Variants in UNC45A observed in about 807,000 individuals in gnomAD.
UNC45A encodes protein unc-45 homolog A.
UNC45A carries 78 observed loss-of-function variants against 103.2 expected under a neutral mutation model. That is an observed-to-expected ratio of 0.76 (90% CI 0.63 to 0.91). The LOEUF (loss-of-function observed/expected upper bound fraction) is 0.91. UNC45A is among the 40% of genes least tolerant of loss of function. UNC45A has a pLI of 0.00. For missense variants in UNC45A, 1,193 were observed against 1,224.8 expected, an observed-to-expected ratio of 0.97 and a Z score of 0.39; for synonymous variants, 495 against 504.6, an observed-to-expected ratio of 0.98 and a Z score of 0.25.
chr15:90,939,972 CT>C, intron 5 of UNC45A, 149 bp downstream of exon 5: 1 of 739,808 alleles, frequency 1.4e-6, no homozygotes, highest in Non-Finnish European at 2.2e-6. Flanking sequence ...GGGTCTGGGG[CT>C]TTAGCGTGAA....
intron 8 of UNC45A, 78 bp from the exon 9 acceptor site, chr15:90,944,814 A>G: frequency 6.6e-7 from 1 of 1,511,810 alleles, no homozygotes; most frequent in East Asian, 2.3e-5. Context: ...TTTTCTCCAC[A>G]TCTCCTAGGA....
At chr15:90,943,402 C>T (rs966515000) in intron 8 of UNC45A, among the ~76,000 whole-genome samples, 9 of 140,180 alleles carry the variant, frequency 6.4e-5, no homozygotes, top group African/African-American at 2.5e-4. Flanking sequence ...GCACTACAGA[C>T]TGGGCAACAG....
At chr15:90,947,378 G>T in intron 10 of UNC45A, 2 of 257,788 alleles carry the variant, frequency 7.8e-6, no homozygotes, top group South Asian at 5.6e-5. Flanking sequence ...TGTGGAAGCT[G>T]GTCTTCCTCC....
intron 9 of UNC45A, among the ~76,000 whole-genome samples, 179 bp from the exon 10 acceptor site, chr15:90,946,435 G>A (rs1195527902): frequency 2.0e-5 from 3 of 152,196 alleles, no homozygotes; most frequent in Admixed American, 2.0e-4. Context: ...TTGAGTGAAA[G>A]TCGATAAAGA....
In UNC45A at chr15:90,950,175, G is replaced by A; in HGVS notation, c.2095G>A (p.Glu699Lys). The part of the protein sequence containing the change: ...GGRALIPLAL[E>K]GTDVGQTKAA... Reference sequence around the variant, plus strand: ...ACAGGCGCTGATCCCGCTGGCCCTGGAAGGCACGGACGTGGGGCAGACAAA... The same window carrying A: ...ACAGGCGCTGATCCCGCTGGCCCTGAAAGGCACGGACGTGGGGCAGACAAA... Residue 699 changes from glutamate to lysine, a missense_variant, in exon 16 of 20, where the codon GAA becomes AAA. By Grantham distance (56) the Glu-to-Lys change is moderately conservative. Transcript: ENST00000418476. The A allele has an allele frequency of 3.2e-6, 5 of 1,551,634 alleles. No homozygotes were observed. Among genetic ancestry groups the A allele is most frequent in the Non-Finnish European group, 4.4e-6 (5 of 1,146,996 alleles).
At position 90,935,645 on chromosome 15, in the gene UNC45A, C is replaced by T. The variant is rs1302859910; in HGVS notation, c.153C>T (p.Asp51=). ...LAAYTQALGL[D]ATPQDQAVLH... ...CCTACACTCAGGCCCTGGGTCTGGA[C>T]GCGACGCCCCAGGACCAGGCCGTTC... The change falls in exon 2 of 20, where the codon GAC becomes GAT. Residue 51 remains aspartate, a synonymous_variant. Transcript: ENST00000418476. The T allele has an allele frequency of 3.1e-6, 5 of 1,610,956 alleles. No individual in the cohort carries two copies. The highest frequency in any genetic ancestry group is 2.2e-5 in the South Asian group (2 of 90,650).
At chr15:90,935,144 C>A, upstream of UNC45A, 1 of 635,488 alleles carries the variant, frequency 1.6e-6, no homozygotes, top group South Asian at 1.8e-5. Flanking sequence ...CTTGCCTGCA[C>A]CTGCGATCCA....
rs373504946 is a variant in UNC45A, at chr15:90,940,449, C to A, written c.663C>A (p.Gly221=). The change falls in exon 6 of 20, where the codon GGC becomes GGA. Residue 221 remains glycine, a synonymous_variant. Coordinates refer to ENST00000418476, the MANE Select transcript of UNC45A (RefSeq NM_018671.5). The part of the protein sequence containing the change: ...LMLAALRTLV[G]ICSEHQSRTV... ...TGGCGGCTCTGCGTACGCTGGTTGG[C>A]ATTTGCTCTGAGCATCAGTCACGGG... is the stretch of plus-strand genomic sequence containing the variant. 31 of 1,613,732 alleles carry A rather than the reference C, an allele frequency of 1.9e-5. No individual in the cohort carries two copies. In the African/African-American group the frequency reaches 2.8e-4, roughly 15 times the overall value.
chr15:90,931,357 A>G, upstream of UNC45A: 1 of 1,553,774 alleles, frequency 6.4e-7, no homozygotes, highest in Non-Finnish European at 8.7e-7. Context: ...CCCCTTCACC[A>G]CCTGCGCTGC....
In UNC45A at chr15:90,940,671, G is replaced by A. The variant is rs538999031; in HGVS notation, c.687+198G>A. ...CTCACACCTGTAATCCCAGCACTTT[G>A]GGGGGCTGAGGCAGGTGGATCACTT... On this transcript the variant is annotated intron_variant, in intron 6 of 19. Transcript: ENST00000418476. 7.3e-5 allele frequency: 36 copies of A among 490,102 alleles called. No individual in the cohort carries two copies. The South Asian group carries it at 1.4e-3, about 19-fold the overall frequency. 30.4% of individuals were successfully genotyped at this position (490,102 alleles called of 1,614,324 possible).
chr15:90,930,772 C>A, upstream of UNC45A: 1 of 174,316 alleles, frequency 5.7e-6, no homozygotes, highest in Non-Finnish European at 1.3e-5. Flanking sequence ...TTACACAACC[C>A]ATGTCACTGA....
In UNC45A at chr15:90,935,355, C is replaced by T. The variant is rs572718253; in HGVS notation, c.31C>T (p.Pro11Ser). Residue 11 changes from proline (P) to serine (S), a missense_variant, in exon 1 of 20, where the codon CCC becomes TCC. Pro to Ser is a moderately conservative substitution (Grantham distance 74). Transcript: ENST00000418476. ...TGTGAGTGGTCCAGGGACCCCCGAG[C>T]CCCGGCCGGCCACCCCCGGGGTGCG... MTVSGPGTPE[P>S]RPATPGASSV... The T allele has an allele frequency of 3.2e-5, 52 of 1,603,324 alleles. No individual in the cohort carries two copies. In the African/African-American group the frequency reaches 6.3e-4, roughly 19 times the overall value.
At position 90,935,340 on chromosome 15, in the gene UNC45A, C is replaced by T. The variant is rs2035947298; in HGVS notation, c.16C>T (p.Pro6Ser). 1 of 1,604,476 alleles carries T rather than the reference C, an allele frequency of 6.2e-7. No homozygotes were observed. The highest frequency in any genetic ancestry group is 8.5e-7 in the Non-Finnish European group (1 of 1,176,816). Residue 6 changes from proline to serine, a missense_variant, in exon 1 of 20, where the codon CCA becomes TCA. Transcript: ENST00000418476. Reference sequence around the variant, plus strand: ...CCTCTCCGCGATGACTGTGAGTGGTCCAGGGACCCCCGAGCCCCGGCCGGC... The same window carrying T: ...CCTCTCCGCGATGACTGTGAGTGGTTCAGGGACCCCCGAGCCCCGGCCGGC... MTVSGPGTPEPRPATP... is the reference protein window; with the variant it reads MTVSGSGTPEPRPATP...
chr15:90,946,514 C>T (rs1405300835), intron 9 of UNC45A, 100 bp from the exon 10 acceptor site: 6 of 1,361,558 alleles, frequency 4.4e-6, no homozygotes, highest in Non-Finnish European at 5.8e-6. Context: ...GCTGTTTCTG[C>T]CCAAGTAGTG....
chr15:90,932,643 C>A (rs1434648993), upstream of UNC45A: 6 of 695,112 alleles, frequency 8.6e-6, no homozygotes, highest in African/African-American at 3.7e-5. Context: ...GCTAATTCAG[C>A]GGGCCGAGTT....
chr15:90,932,002 A>C, upstream of UNC45A: 2 of 1,613,968 alleles, frequency 1.2e-6, no homozygotes, highest in Non-Finnish European at 1.7e-6. Flanking sequence ...CCATTGCTGA[A>C]TGGGGCCCCT....
rs74839044 is a variant in UNC45A at position 90,944,956 on chromosome 15, C to T, written c.1092C>T (p.Thr364=). ...ACCCTCCTGGGGAGCTCGCAGTGAC[C>T]GCAAACAGCCGCATGAGCGCCTCTA... is the stretch of plus-strand genomic sequence containing the variant. ...LQDPPGELAV[T]ANSRMSASIL... The change falls in exon 9 of 20, where the codon ACC becomes ACT. Residue 364 remains threonine (T), a synonymous_variant. Coordinates refer to ENST00000418476, the MANE Select transcript of UNC45A (RefSeq NM_018671.5). The T allele has an allele frequency of 8.2e-4, 1,328 of 1,612,654 alleles. 17 individuals carry two copies. The East Asian group carries it at 0.024, about 29-fold the overall frequency.
At position 90,949,670 on chromosome 15, in the gene UNC45A, G is replaced by A; in HGVS notation, c.2023G>A (p.Val675Met). ...TCCCCACAGGGTCTTCTTGGCTTTA[G>A]TGGAAGAGGTAGAGGACCGAGGCAC... ...ELLSRVFLAL[V>M]EEVEDRGTVV... Residue 675 changes from valine to methionine, a missense_variant, in exon 15 of 20, where the codon GTG (valine) becomes ATG (methionine). By Grantham distance (21) the Val-to-Met change is conservative (BLOSUM62 1). Coordinates refer to ENST00000418476, the MANE Select transcript of UNC45A (RefSeq NM_018671.5). 1.2e-6 allele frequency: 2 copies of A among 1,614,180 alleles called. No homozygotes were observed. Among genetic ancestry groups the A allele is most frequent in the Non-Finnish European group, 1.7e-6 (2 of 1,180,026 alleles).
chr15:90,948,663 A>G lies in UNC45A; in HGVS notation c.1747A>G (p.Arg583Gly). The G allele has an allele frequency of 6.2e-7, 1 of 1,613,448 alleles. No homozygotes were observed. ...ALFQLSRLEERSVLFAVASAL... is the reference protein window; with the variant it reads ...ALFQLSRLEEGSVLFAVASAL... The stretch of plus-strand genomic sequence containing the variant: ...CTCTGTGTCCTGGCAGTTGGAGGAG[A>G]GGTCAGTGCTCTTTGCGGTGGCCTC... The change falls in exon 13 of 20, where the codon AGG (arginine) becomes GGG (glycine). Residue 583 changes from arginine to glycine, a missense_variant. Coordinates refer to ENST00000418476, the MANE Select transcript of UNC45A (RefSeq NM_018671.5).
Sources: gnomAD v4.1 joint callset for allele counts (sites outside exome capture counted in the v4.1 genomes callset) on GRCh38, gnomAD v4.1.1 for gene constraint, MANE v1.5 for transcripts, NCBI Gene and HGNC (gene_info 2026-07-23, HGNC 2026-07-21) for gene names.